SPIRE1: variants seen among roughly 807,000 people sequenced by gnomAD.
SPIRE1 encodes spire type actin nucleation factor 1, also known as protein spire homolog 1.
Under a neutral mutation model 94.1 loss-of-function variants are expected in SPIRE1, and 40 were observed. The ratio of observed to expected loss-of-function variants is 0.43; its 90% CI spans 0.33 to 0.55. The LOEUF (loss-of-function observed/expected upper bound fraction) is 0.55. SPIRE1 is among the 20% of genes least tolerant of loss of function. SPIRE1 has a pLI of 0.06. For missense variants in SPIRE1, 838 were observed against 975.2 expected (o/e 0.86, Z 1.87); for synonymous variants, 376 against 371.7 (o/e 1.01, Z -0.13).
At chr18:12,459,704 T>C (rs1011407423) in intron 12 of SPIRE1, 2 of 966,746 alleles carry the variant, frequency 2.1e-6, no homozygotes, top group African/African-American at 1.8e-5. Context: ...GGTGTCACCG[T>C]CAGAGATACA....
chr18:12,502,756 T>C (rs2033706023), intron 6 of SPIRE1, among the ~76,000 whole-genome samples: 3 of 152,074 alleles, frequency 2.0e-5, no homozygotes. Flanking sequence ...CTGGAAACCA[T>C]CAAATATCTA....
At chr18:12,610,597 T>C (rs913685016) in intron 2 of SPIRE1, among the ~76,000 whole-genome samples, 1 of 152,164 alleles carries the variant, frequency 6.6e-6, no homozygotes, top group African/African-American at 2.4e-5. Context: ...CCCACCTGCA[T>C]TTGTATAGCT....
chr18:12,481,203 G>A (rs1048495772), intron 9 of SPIRE1, among the ~76,000 whole-genome samples: 1 of 152,000 alleles, frequency 6.6e-6, no homozygotes, highest in Non-Finnish European at 1.5e-5. Flanking sequence ...GGTGGTGGAC[G>A]CCTGTAATCC....
chr18:12,575,299 A>G (rs1396836346), intron 2 of SPIRE1, among the ~76,000 whole-genome samples: 1 of 152,152 alleles, frequency 6.6e-6, no homozygotes, highest in African/African-American at 2.4e-5. Flanking sequence ...AGAGTAAAAA[A>G]AAATAAAAAA....
intron 1 of SPIRE1, among the ~76,000 whole-genome samples, chr18:12,654,979 G>A (rs1466979203): frequency 2.0e-5 from 3 of 150,870 alleles, no homozygotes; most frequent in Non-Finnish European, 4.4e-5. Flanking sequence ...AGTGAGCCAA[G>A]ACTGTTCTAC....
chr18:12,634,023 C>T (rs974065326), intron 2 of SPIRE1, among the ~76,000 whole-genome samples: 16 of 151,928 alleles, frequency 1.1e-4, no homozygotes, highest in Non-Finnish European at 1.9e-4. Context: ...CCGAGGCGGG[C>T]GGATCACGAG....
At chr18:12,636,675 C>T (rs2037937864) in intron 1 of SPIRE1, among the ~76,000 whole-genome samples, 1 of 152,006 alleles carries the variant, frequency 6.6e-6, no homozygotes, top group South Asian at 2.1e-4. Flanking sequence ...ATAAAGACTA[C>T]ATGAACATAT....
At chr18:12,462,833 C>T (rs1015342266) in intron 12 of SPIRE1, among the ~76,000 whole-genome samples, 1 of 151,564 alleles carries the variant, frequency 6.6e-6, no homozygotes, top group Non-Finnish European at 1.5e-5. Context: ...CTTTCAACCA[C>T]TGATAAATTT....
chr18:12,476,555 AAAAAAAAAAATAT>A (rs1401323759), intron 10 of SPIRE1, among the ~76,000 whole-genome samples: 415 of 92,712 alleles, frequency 4.5e-3, no homozygotes, highest in African/African-American at 0.022. Context: ...AAAAAAAAAA[AAAAAAAAAAATAT>A]ATATATATAT....
At chr18:12,538,944 T>C (rs928075883) in intron 3 of SPIRE1, among the ~76,000 whole-genome samples, 1 of 152,212 alleles carries the variant, frequency 6.6e-6, no homozygotes, top group African/African-American at 2.4e-5. Context: ...ACCATCATCA[T>C]GGTCACAGCT....
chr18:12,572,581 C>T (rs1369935079), intron 2 of SPIRE1, among the ~76,000 whole-genome samples: 1 of 151,986 alleles, frequency 6.6e-6, no homozygotes, highest in Admixed American at 6.6e-5. Flanking sequence ...TGCACTCCAG[C>T]CAGGGTAACA....
intron 2 of SPIRE1, among the ~76,000 whole-genome samples, chr18:12,632,315 C>A (rs747870782): frequency 5.3e-5 from 8 of 152,244 alleles, no homozygotes; most frequent in Non-Finnish European, 1.2e-4. Context: ...CATTAGATAA[C>A]CACTCTTGAA....
chr18:12,452,800 AACATG>A (rs1044917828), intron 14 of SPIRE1, among the ~76,000 whole-genome samples: 2 of 152,208 alleles, frequency 1.3e-5, no homozygotes, highest in Admixed American at 1.3e-4. Flanking sequence ...TTTCTGTTCA[AACATG>A]ACATATTATT....
At chr18:12,519,916 C>T (rs2034311181) in intron 4 of SPIRE1, among the ~76,000 whole-genome samples, 1 of 152,182 alleles carries the variant, frequency 6.6e-6, no homozygotes, top group African/African-American at 2.4e-5. Context: ...TCCTTTGACC[C>T]AGCAAGTCTA....
chr18:12,655,585 A>T (rs1232199792), intron 1 of SPIRE1, among the ~76,000 whole-genome samples: 1 of 152,180 alleles, frequency 6.6e-6, no homozygotes, highest in Non-Finnish European at 1.5e-5. Context: ...TGTGGAGAAC[A>T]ACTCCACTCA....
chr18:12,637,920 T>C (rs1280640432), intron 1 of SPIRE1, among the ~76,000 whole-genome samples: 2 of 152,216 alleles, frequency 1.3e-5, no homozygotes, highest in African/African-American at 2.4e-5. Flanking sequence ...GCTGTAAAAG[T>C]ACTAAAAATT....
chr18:12,470,963 C>A (rs2032335542), intron 10 of SPIRE1, among the ~76,000 whole-genome samples: 1 of 151,874 alleles, frequency 6.6e-6, no homozygotes, highest in Non-Finnish European at 1.5e-5. Context: ...AGGGGCCAGT[C>A]TGGGCACGTA....
intron 1 of SPIRE1, among the ~76,000 whole-genome samples, chr18:12,644,956 G>A (rs2038182622): frequency 6.6e-6 from 1 of 152,070 alleles, no homozygotes; most frequent in Non-Finnish European, 1.5e-5. Flanking sequence ...AAGAAAGAGA[G>A]CGGCCGGGCA....
At chr18:12,658,623 G>T, upstream of SPIRE1, 1 of 470,160 alleles carries the variant, frequency 2.1e-6, no homozygotes, top group South Asian at 1.6e-5. Context: ...GCCTGGAGCG[G>T]ATGCCTAAGA....
Sources: allele counts gnomAD v4.1 joint callset (sites outside exome capture counted in the v4.1 genomes callset), GRCh38; gene constraint gnomAD v4.1.1; transcripts MANE v1.5; gene names NCBI Gene and HGNC (gene_info 2026-07-23, HGNC 2026-07-21).